The following EPB41L1 variants were observed in gnomAD, a reference collection of about 807,000 sequenced individuals.
EPB41L1 encodes the protein band 4.1-like protein 1.
A neutral mutation model predicts 97.8 loss-of-function variants in EPB41L1; 29 were observed. That is an observed-to-expected ratio of 0.30 (90% confidence interval 0.22 to 0.40). The LOEUF is 0.40. Ranked by LOEUF, EPB41L1 falls within the 10% of genes least tolerant of loss-of-function variation. The probability of loss-of-function intolerance (pLI) is 1.00; values close to 1 mark genes in which losing one functional copy is unlikely to be tolerated. For synonymous variants in EPB41L1, 383 were observed against 459.2 expected (o/e 0.83, Z 2.12); for missense variants, 812 against 1,162.3 (o/e 0.70, Z 4.38).
Position 36,185,223 on chromosome 20 carries a change from G to A in EPB41L1, c.673G>A (p.Gly225Ser). 1.2e-6 allele frequency: 2 copies of A among 1,613,884 alleles called. No individual in the cohort carries two copies. The highest frequency in any genetic ancestry group is 1.7e-6 in the Non-Finnish European group (2 of 1,180,044). Residue 225 changes from glycine (G) to serine (S), a missense_variant, in exon 7 of 22, where the codon GGT becomes AGT. Gly to Ser is a moderately conservative substitution (Grantham distance 56). This residue lies in a region of EPB41L1 where 230 missense variants were observed against 445.2 expected (regional missense o/e 0.52). Transcript: ENST00000338074. ...LGSYAVQAEL[G>S]DYDAEEHVGN... Reference sequence around the variant, plus strand: ...CTCCTACGCTGTGCAGGCTGAGCTGGGTGACTATGATGCTGAGGAGCATGT... The same window carrying A: ...CTCCTACGCTGTGCAGGCTGAGCTGAGTGACTATGATGCTGAGGAGCATGT...
In EPB41L1 at chr20:36,219,847, G is replaced by A. The variant is rs759776350; in HGVS notation, c.2439+3G>A. ...CCACCACCACCCATGTCACCAAAGTGAGTAGCAGCAGGGCGCCCCATGCCC... is the reference window on the plus strand; with the variant it reads ...CCACCACCACCCATGTCACCAAAGTAAGTAGCAGCAGGGCGCCCCATGCCC... On this transcript the variant is annotated splice_donor_region_variant and intron_variant, in intron 19 of 21. Coordinates refer to ENST00000338074, the MANE Select transcript of EPB41L1 (RefSeq NM_012156.2). The A allele has an allele frequency of 2.5e-6, 4 of 1,614,144 alleles. No individual in the cohort carries two copies. The highest frequency in any genetic ancestry group is 3.4e-6 in the Non-Finnish European group (4 of 1,179,944).
intron 1 of EPB41L1, among the ~76,000 whole-genome samples, chr20:36,155,445 G>A (rs2060254404): frequency 1.3e-5 from 2 of 152,106 alleles, no homozygotes; most frequent in African/African-American, 4.8e-5. Context: ...CATTGTCCTG[G>A]CCAGTGACCG....
chr20:36,164,832 C>G (rs1053546281), intron 1 of EPB41L1, among the ~76,000 whole-genome samples: 1 of 151,964 alleles, frequency 6.6e-6, no homozygotes, highest in East Asian at 1.9e-4. Context: ...ACTACAGGAG[C>G]CTGCCACCAT....
intron 1 of EPB41L1, among the ~76,000 whole-genome samples, chr20:36,164,436 C>T (rs879159691): frequency 1.2e-4 from 19 of 152,250 alleles, no homozygotes; most frequent in Admixed American, 1.1e-3. Flanking sequence ...CCCTCCCCTG[C>T]CCCCCATCTC....
chr20:36,097,392 T>A (rs577072427), intron 1 of EPB41L1, among the ~76,000 whole-genome samples: 3 of 152,198 alleles, frequency 2.0e-5, no homozygotes, highest in South Asian at 2.1e-4. Flanking sequence ...TTTCACAGGA[T>A]TGTTTTGATA....
At position 36,218,939 on chromosome 20, in the gene EPB41L1, A is replaced by G. The variant is rs199993775; in HGVS notation, c.2332A>G (p.Thr778Ala). 3.7e-4 allele frequency: 599 copies of G among 1,614,096 alleles called. 1 individual carries two copies. Among genetic ancestry groups the G allele is most frequent in the Non-Finnish European group, 2.5e-4 (295 of 1,180,044 alleles). The change falls in exon 18 of 22, where the codon ACG becomes GCG. Residue 778 changes from threonine to alanine, a missense_variant. This residue lies in a region of EPB41L1 where 498 missense variants were observed against 622.7 expected (regional missense o/e 0.80). Transcript: ENST00000338074. ...AMIPGPQTVA[T>A]EIRSLSPIIG... Reference sequence around the variant, plus strand: ...GATCCCAGGCCCACAGACGGTGGCCACGGAAATCCGTTCTCTTTCTCCGGT... The same window carrying G: ...GATCCCAGGCCCACAGACGGTGGCCGCGGAAATCCGTTCTCTTTCTCCGGT...
At chr20:36,196,522 A>C (rs1435183343) in intron 13 of EPB41L1, among the ~76,000 whole-genome samples, 1 of 152,202 alleles carries the variant, frequency 6.6e-6, no homozygotes, top group Non-Finnish European at 1.5e-5. Context: ...CAGCTTGGGA[A>C]GGGATGCCCG....
intron 3 of EPB41L1, among the ~76,000 whole-genome samples, chr20:36,176,489 T>C (rs1033699768): frequency 6.6e-6 from 1 of 152,216 alleles, no homozygotes; most frequent in Admixed American, 6.5e-5. Flanking sequence ...TACTGAGATA[T>C]ATAGGAGCTG....
At position 36,206,977 on chromosome 20, in the gene EPB41L1, G is replaced by A. The variant is rs1435886290; in HGVS notation, c.1669-2511G>A. 1 of 1,289,990 alleles carries A rather than the reference G, an allele frequency of 7.8e-7. No individual in the cohort carries two copies. The highest frequency in any genetic ancestry group is 2.3e-5 in the Admixed American group (1 of 43,574). 79.9% of individuals were successfully genotyped at this position (1,289,990 alleles called of 1,614,324 possible). ...CAGGAAGCCAGTCAAACCAGACAGA[G>A]GCAACTTCCCACCCAAAGAGAGGGG... On this transcript the variant is annotated intron_variant, in intron 14 of 21. Coordinates refer to ENST00000338074, the MANE Select transcript of EPB41L1 (RefSeq NM_012156.2). The surrounding 1 kb of genome is among the most constrained non-coding windows in gnomAD (Gnocchi z 5.5).
At position 36,226,072 on chromosome 20, in the gene EPB41L1, T is replaced by G. The variant is rs577445458; in HGVS notation, c.2638-3260T>G. On this transcript the variant is annotated intron_variant, in intron 21 of 21. Coordinates refer to ENST00000338074, the MANE Select transcript of EPB41L1 (RefSeq NM_012156.2). ...TTCTGCCCACATGCTTTACCAGTAA[T>G]TATGGTCAAGTAGAACCCAAGTCTG... 6.6e-5 allele frequency among the ~76,000 whole-genome samples: 10 copies of G among 152,290 alleles called. No homozygotes were observed. In the South Asian group the frequency reaches 1.9e-3, roughly 28 times the overall value.
At chr20:36,185,933 G>T (rs2061666600) in intron 7 of EPB41L1, among the ~76,000 whole-genome samples, 1 of 152,126 alleles carries the variant, frequency 6.6e-6, no homozygotes, top group Non-Finnish European at 1.5e-5. Context: ...GATCATGCAG[G>T]GGAAAGTACC....
At chr20:36,154,644 G>GGGGCGT, upstream of EPB41L1, 1 of 966,410 alleles carries the variant, frequency 1.0e-6, no homozygotes, top group Non-Finnish European at 1.2e-6. The surrounding 1 kb of genome is among the most constrained non-coding windows in gnomAD (Gnocchi z 5.5). Context: ...GGCGGGGGCG[G>GGGGCGT]GGGCTGGCCG....
intron 1 of EPB41L1, among the ~76,000 whole-genome samples, chr20:36,160,010 A>G (rs377135336): frequency 2.0e-5 from 3 of 152,234 alleles, no homozygotes; most frequent in South Asian, 4.1e-4. Flanking sequence ...ATCCATGAAC[A>G]TTAGTGGAGA....
chr20:36,155,019 C>T, intron 1 of EPB41L1, 123 bp downstream of exon 1: 3 of 942,050 alleles, frequency 3.2e-6, no homozygotes, highest in Non-Finnish European at 4.3e-6. Context: ...CTGTTGGTCC[C>T]CTGGCCAGTG....
At chr20:36,127,419 G>A (rs899668959) in intron 2 of EPB41L1, among the ~76,000 whole-genome samples, 3 of 152,148 alleles carry the variant, frequency 2.0e-5, no homozygotes, top group Non-Finnish European at 4.4e-5. Flanking sequence ...CACCTTCCCT[G>A]AGGTGAGAGA....
intron 19 of EPB41L1, among the ~76,000 whole-genome samples, chr20:36,220,135 C>T (rs1022933759): frequency 1.2e-4 from 18 of 152,186 alleles, no homozygotes; most frequent in African/African-American, 2.7e-4. Flanking sequence ...GGAATCTAGA[C>T]GGGGTGACAT....
chr20:36,212,148 C>T lies in EPB41L1; in HGVS notation c.2080-124C>T, dbSNP rs573120439. The T allele has an allele frequency of 2.8e-5, 25 of 902,542 alleles. No individual in the cohort carries two copies. The highest frequency in any genetic ancestry group is 4.3e-5 in the Non-Finnish European group (24 of 553,218). The allele number at this position is 902,542 out of a possible 1,614,324, so 55.9% of individuals were successfully genotyped here. A position where few individuals can be genotyped will look rare whatever the true frequency, so the allele number is the denominator to read the frequency against. On this transcript the variant is annotated intron_variant, in intron 15 of 21. Transcript: ENST00000338074. The surrounding 1 kb of genome is among the most constrained non-coding windows in gnomAD (Gnocchi z 4.8). The stretch of plus-strand genomic sequence containing the variant: ...ACTCTTTTACCCTGTCCAGAGTACC[C>T]TTCCAGAGATGTGGCCAGCTGTGGG...
At chr20:36,098,734 C>T (rs2147478670) in intron 1 of EPB41L1, among the ~76,000 whole-genome samples, 1 of 152,268 alleles carries the variant, frequency 6.6e-6, no homozygotes, top group African/African-American at 2.4e-5. Context: ...CACTGTTCAA[C>T]CCAATACATG....
chr20:36,218,790 G>C (rs1373033801), intron 17 of EPB41L1, 86 bp from the exon 18 acceptor site: 5 of 1,212,444 alleles, frequency 4.1e-6, no homozygotes, highest in East Asian at 2.4e-5. Flanking sequence ...CCTTGTGGTC[G>C]TGATAGCTAC....
Sources: allele counts gnomAD v4.1 joint callset (sites outside exome capture counted in the v4.1 genomes callset), GRCh38; gene constraint gnomAD v4.1.1; regional missense constraint gnomAD v4.1.1; non-coding constraint Gnocchi (gnomAD v3.1); transcripts MANE v1.5; gene names NCBI Gene and HGNC (gene_info 2026-07-23, HGNC 2026-07-21).